PRKAA1: variants seen among roughly 807,000 people sequenced by gnomAD.
PRKAA1 encodes the protein 5'-AMP-activated protein kinase catalytic subunit alpha-1.
PRKAA1 carries 23 observed loss-of-function variants against 56.9 expected under a neutral mutation model. The ratio of observed to expected loss-of-function variants is 0.40; its 90% confidence interval spans 0.29 to 0.57. The LOEUF (loss-of-function observed/expected upper bound fraction) is 0.57, where lower values mean the gene tolerates loss of function less well. PRKAA1 is among the 20% of genes least tolerant of loss of function. PRKAA1 has a pLI of 0.39. For synonymous variants in PRKAA1, 226 were observed against 227.0 expected, an observed-to-expected ratio of 1.00 and a Z score of 0.04; for missense variants, 413 against 679.7, an observed-to-expected ratio of 0.61 and a Z score of 4.36.
chr5:40,775,901 G>A (rs1260139256), intron 2 of PRKAA1, among the ~76,000 whole-genome samples: 1 of 152,152 alleles, frequency 6.6e-6, no homozygotes, highest in African/African-American at 2.4e-5. Flanking sequence ...GTAGAAGCCT[G>A]CTTGGCATGT....
chr5:40,794,516 T>TCATTATTCGAAAAAGA (rs375590456), intron 1 of PRKAA1, among the ~76,000 whole-genome samples: 6 of 129,484 alleles, frequency 4.6e-5, no homozygotes, highest in Admixed American at 1.7e-4. Flanking sequence ...TTATCTTTGT[T>TCATTATTCGAAAAAGA]TTTATTGCAT....
At chr5:40,764,454 G>T in intron 8 of PRKAA1, 60 bp downstream of exon 8, 2 of 1,475,836 alleles carry the variant, frequency 1.4e-6, no homozygotes, top group Non-Finnish European at 9.2e-7. Context: ...AAGAATCAAG[G>T]CGTAAAATAC....
At chr5:40,783,592 C>G (rs1278248593) in intron 1 of PRKAA1, among the ~76,000 whole-genome samples, 1 of 151,964 alleles carries the variant, frequency 6.6e-6, no homozygotes, top group Non-Finnish European at 1.5e-5. Context: ...CCCATCTCTA[C>G]TAAAAATACA....
At chr5:40,774,930 C>T (rs758526143) in intron 3 of PRKAA1, 33 of 1,597,684 alleles carry the variant, frequency 2.1e-5, no homozygotes, top group Non-Finnish European at 2.7e-5. Context: ...ATTCCTACCT[C>T]CTTCGTGGAG....
At chr5:40,785,488 C>T (rs370056569) in intron 1 of PRKAA1, among the ~76,000 whole-genome samples, 2 of 151,860 alleles carry the variant, frequency 1.3e-5, no homozygotes, top group Non-Finnish European at 2.9e-5. Flanking sequence ...GATCCGCCCC[C>T]CCTCGGCCTC....
intron 1 of PRKAA1, among the ~76,000 whole-genome samples, chr5:40,780,942 T>A (rs1006009696): frequency 1.3e-5 from 2 of 152,166 alleles, no homozygotes; most frequent in Non-Finnish European, 2.9e-5. Context: ...ATTAAATCCA[T>A]GAATCCACCC....
chr5:40,775,811 G>A (rs981894209), intron 2 of PRKAA1, among the ~76,000 whole-genome samples: 3 of 152,174 alleles, frequency 2.0e-5, no homozygotes, highest in African/African-American at 7.2e-5. Flanking sequence ...GAGCCTAAAA[G>A]AAGAATGGGA....
In PRKAA1 at chr5:40,798,210, AG is replaced by A; in HGVS notation, c.-22del. On this transcript the variant is annotated 5_prime_UTR_variant, in exon 1 of 9. Coordinates refer to ENST00000397128, the MANE Select transcript of PRKAA1 (RefSeq NM_006251.6). Reference sequence around the variant, plus strand: ...CGCATGGCGCTGCGGGAGGGGGCGGAGGGGGCGGGCAGGGCCGCGCCGGGGG... The same window carrying A: ...CGCATGGCGCTGCGGGAGGGGGCGGAGGGGCGGGCAGGGCCGCGCCGGGGG... 7.4e-6 allele frequency: 1 copy of A among 135,602 alleles called. No individual in the cohort carries two copies. Among genetic ancestry groups the A allele is most frequent in the Non-Finnish European group, 1.4e-5 (1 of 72,480 alleles). 8.4% of individuals were successfully genotyped at this position (135,602 alleles called of 1,614,324 possible). A position where few individuals can be genotyped will look rare whatever the true frequency, so the allele number is the denominator to read the frequency against.
intron 5 of PRKAA1, chr5:40,768,860 A>G (rs771072311): frequency 1.9e-4 from 294 of 1,537,478 alleles, no homozygotes; most frequent in Non-Finnish European, 2.4e-4. Flanking sequence ...AAAAAGCGAC[A>G]CTGTACAAAT....
At chr5:40,772,005 G>A in intron 3 of PRKAA1, 142 bp from the exon 4 acceptor site, 2 of 1,037,064 alleles carry the variant, frequency 1.9e-6, no homozygotes, top group South Asian at 1.5e-5. Flanking sequence ...TTGACATGAG[G>A]AGGAGATACC....
rs1405267907 is a variant in PRKAA1 at position 40,771,607 on chromosome 5, A to C, written c.508+112T>G. On this transcript the variant is annotated intron_variant, in intron 4 of 8. Coordinates refer to ENST00000397128, the MANE Select transcript of PRKAA1 (RefSeq NM_006251.6). ...CAAAACAGAATACTTTGATATACTCAGTCTATTACTTTATGTAATCTTTTA... is the reference window on the plus strand; with the variant it reads ...CAAAACAGAATACTTTGATATACTCCGTCTATTACTTTATGTAATCTTTTA... 3 of 1,010,332 alleles carry C rather than the reference A, an allele frequency of 3.0e-6. No homozygotes were observed. The African/African-American group carries it at 4.9e-5, about 17-fold the overall frequency. 62.6% of individuals were successfully genotyped at this position (1,010,332 alleles called of 1,614,324 possible).
At chr5:40,792,510 T>C (rs771305815) in intron 1 of PRKAA1, among the ~76,000 whole-genome samples, 76 of 152,320 alleles carry the variant, frequency 5.0e-4, no homozygotes, top group Non-Finnish European at 6.8e-4. Flanking sequence ...AGAGGTAGGA[T>C]ACCAATTTAT....
chr5:40,775,734 C>G (rs1452880146), intron 2 of PRKAA1, among the ~76,000 whole-genome samples: 2 of 151,954 alleles, frequency 1.3e-5, no homozygotes, highest in Non-Finnish European at 2.9e-5. Flanking sequence ...AAAAATAAAG[C>G]AAATGAAGGG....
intron 1 of PRKAA1, among the ~76,000 whole-genome samples, chr5:40,797,718 G>A (rs1319927727): frequency 3.3e-5 from 5 of 152,180 alleles, no homozygotes; most frequent in Non-Finnish European, 7.4e-5. Context: ...CGGGGATCGC[G>A]CCCGGCGCCC....
At chr5:40,767,295 A>G (rs1002424) in intron 6 of PRKAA1, among the ~76,000 whole-genome samples, 171 bp downstream of exon 6, 47,363 of 152,082 alleles carry the variant, frequency 0.31, 7,618 homozygotes, top group East Asian at 0.56. Flanking sequence ...TAAGGTAACC[A>G]GTTTACTATG....
rs1468484556 is a variant in PRKAA1, at chr5:40,798,259, G to T, written c.-70C>A. The T allele has an allele frequency of 1.6e-6, 1 of 644,702 alleles. No homozygotes were observed. The highest frequency in any genetic ancestry group is 2.0e-5 in the African/African-American group (1 of 50,480). The allele number at this position is 644,702 out of a possible 1,614,324, so 39.9% of individuals were successfully genotyped here. On this transcript the variant is annotated 5_prime_UTR_variant, in exon 1 of 9. Coordinates refer to ENST00000397128, the MANE Select transcript of PRKAA1 (RefSeq NM_006251.6). ...GGGCGGGCGGGGAGGGGGTGGGGAC[G>T]CGGGAGGGCAGCCACCGAGCCGAGT...
intron 2 of PRKAA1, among the ~76,000 whole-genome samples, chr5:40,776,121 T>C (rs547810686): frequency 2.6e-5 from 4 of 152,348 alleles, no homozygotes; most frequent in African/African-American, 9.6e-5. Context: ...ACAGTAAAGG[T>C]AGCCACAGGA....
intron 1 of PRKAA1, among the ~76,000 whole-genome samples, chr5:40,778,667 G>A (rs1234269733): frequency 6.6e-6 from 1 of 151,572 alleles, no homozygotes; most frequent in Admixed American, 6.6e-5. Flanking sequence ...TCATGTCATA[G>A]ATACATTTCC....
At chr5:40,787,400 G>T (rs989754870) in intron 1 of PRKAA1, among the ~76,000 whole-genome samples, 1 of 152,000 alleles carries the variant, frequency 6.6e-6, no homozygotes, top group Non-Finnish European at 1.5e-5. Flanking sequence ...AGGAGGTGGA[G>T]GTTGGGGTGA....
Sources: gnomAD v4.1 joint callset for allele counts (sites outside exome capture counted in the v4.1 genomes callset) on GRCh38, gnomAD v4.1.1 for gene constraint, MANE v1.5 for transcripts, NCBI Gene and HGNC (gene_info 2026-07-23, HGNC 2026-07-21) for gene names.